NAV1: variants seen among roughly 807,000 people sequenced by gnomAD.
The protein encoded by NAV1 is pore membrane and/or filament interacting like protein 3.
Under a neutral mutation model 175.2 loss-of-function variants are expected in NAV1, and 18 were observed. That is an observed-to-expected ratio of 0.10 (90% CI 0.07 to 0.15). The LOEUF (loss-of-function observed/expected upper bound fraction) is 0.15. Ranked by LOEUF, NAV1 falls within the 10% of genes least tolerant of loss-of-function variation. The probability of loss-of-function intolerance (pLI) is 1.00; values close to 1 mark genes in which losing one functional copy is unlikely to be tolerated. For missense variants in NAV1, 1,731 were observed against 2,436.6 expected (o/e 0.71, Z 6.10); for synonymous variants, 897 against 978.7 (o/e 0.92, Z 1.56).
rs1676858721 is a variant in NAV1, at chr1:201,787,777, T to C, written c.2996-691T>C. 6.6e-6 allele frequency: 3 copies of C among 452,922 alleles called. No individual in the cohort carries two copies. Among genetic ancestry groups the C allele is most frequent in the African/African-American group, 4.0e-5 (2 of 49,982 alleles). The allele number at this position is 452,922 out of a possible 1,614,324, so 28.1% of individuals were successfully genotyped here. On this transcript the variant is annotated intron_variant, in intron 9 of 29. Coordinates refer to ENST00000367296, the Ensembl canonical transcript of NAV1. This position sits in a 1 kb window ranked among gnomAD's most constrained non-coding sequence, Gnocchi z 4.3. ...CAGCAATGGGCAAAGGGGTAAGGCA[T>C]CTGCAGGTTAACGGGATTCAGCTGA...
intron 2 of NAV1, among the ~76,000 whole-genome samples, chr1:201,597,282 C>T (rs1667373309): frequency 6.6e-6 from 1 of 152,208 alleles, no homozygotes; most frequent in Non-Finnish European, 1.5e-5. Flanking sequence ...CATTCTAGGT[C>T]TTCTGCAGTC....
At chr1:201,649,172 G>A (rs910532826) in exon 1 of NAV1, 1 of 1,612,134 alleles carries the variant, frequency 6.2e-7, no homozygotes, top group African/African-American at 1.3e-5. Flanking sequence ...CGCCCAACCT[G>A]GGAAAGCCGA....
intron 1 of NAV1, among the ~76,000 whole-genome samples, chr1:201,692,453 A>G (rs1214554444): frequency 6.6e-6 from 1 of 152,206 alleles, no homozygotes; most frequent in East Asian, 1.9e-4. Flanking sequence ...TAAAATATAT[A>G]TGTCTGCCTT....
intron 1 of NAV1, among the ~76,000 whole-genome samples, chr1:201,711,777 G>C (rs1165701270): frequency 6.6e-6 from 1 of 152,230 alleles, no homozygotes; most frequent in Non-Finnish European, 1.5e-5. Flanking sequence ...GGCAGGGCCA[G>C]CTTCTCTTCA....
intron 3 of NAV1, among the ~76,000 whole-genome samples, chr1:201,726,298 G>T (rs84214): frequency 3.3e-5 from 5 of 152,108 alleles, no homozygotes; most frequent in East Asian, 1.9e-4. Flanking sequence ...AGGATCAAAT[G>T]GAAAAGAATA....
rs537349912 is a variant in NAV1 at position 201,587,755 on chromosome 1, A to C, written c.-143-784A>C. ...TAAACTCAAATTAAAAGTAGGCAAA[A>C]TATTTGAATAGATATTTATCCAAAG... On this transcript the variant is annotated intron_variant, in intron 1 of 33. Transcript: ENST00000685211. Among the ~76,000 whole-genome samples, 4 of 152,350 alleles carry C rather than the reference A, an allele frequency of 2.6e-5. No individual in the cohort carries two copies. In the East Asian group the frequency reaches 7.7e-4, roughly 29 times the overall value.
intron 1 of NAV1, among the ~76,000 whole-genome samples, chr1:201,556,288 G>T (rs1666008149): frequency 6.6e-6 from 1 of 152,056 alleles, no homozygotes. Context: ...CATGGTGGTG[G>T]GTGTCTGTAG....
chr1:201,627,681 A>G (rs1298241538), intron 1 of NAV1, among the ~76,000 whole-genome samples: 1 of 152,056 alleles, frequency 6.6e-6, no homozygotes, highest in African/African-American at 2.4e-5. Flanking sequence ...CAGTTGACAC[A>G]TTATATAGAA....
intron 1 of NAV1, among the ~76,000 whole-genome samples, chr1:201,567,476 G>A (rs966299972): frequency 2.0e-5 from 3 of 152,210 alleles, no homozygotes; most frequent in African/African-American, 4.8e-5. Context: ...GGACTGAGGC[G>A]AAGCGAGCCA....
At chr1:201,727,556 A>G (rs1672659939) in intron 3 of NAV1, among the ~76,000 whole-genome samples, 1 of 152,194 alleles carries the variant, frequency 6.6e-6, no homozygotes, top group South Asian at 2.1e-4. Context: ...CCTTCACTCA[A>G]ACATGTTTCT....
chr1:201,591,396 G>C (rs753544182), intron 2 of NAV1, among the ~76,000 whole-genome samples: 8 of 152,130 alleles, frequency 5.3e-5, no homozygotes, highest in Non-Finnish European at 1.2e-4. Flanking sequence ...AGGAGAGGAA[G>C]GGCTGTTCAC....
intron 7 of NAV1, among the ~76,000 whole-genome samples, chr1:201,784,789 C>T (rs571054309): frequency 4.0e-5 from 6 of 151,626 alleles, no homozygotes; most frequent in South Asian, 4.2e-4. Flanking sequence ...TGTTTTGAGA[C>T]GGAGTCTTGC....
intron 16 of NAV1, chr1:201,803,953 C>T: frequency 3.6e-6 from 2 of 558,136 alleles, no homozygotes; most frequent in Non-Finnish European, 6.7e-6. Context: ...TTGGGCTCTC[C>T]ATACTGGTTA....
chr1:201,668,892 C>T (rs938509626), intron 1 of NAV1, among the ~76,000 whole-genome samples: 3 of 152,154 alleles, frequency 2.0e-5, no homozygotes, highest in African/African-American at 7.2e-5. Context: ...CTTTTCCTAA[C>T]TCCTCTGTTG....
chr1:201,721,087 A>C lies in NAV1; in HGVS notation c.1226+2332A>C, dbSNP rs187831898. Among the ~76,000 whole-genome samples, 146 of 152,192 alleles carry C rather than the reference A, an allele frequency of 9.6e-4. 1 individual carries two copies. Among genetic ancestry groups the C allele is most frequent in the Admixed American group, 4.8e-3 (73 of 15,294 alleles). On this transcript the variant is annotated intron_variant, in intron 3 of 29. Coordinates refer to ENST00000367296, the Ensembl canonical transcript of NAV1. ...ATCCATTTTTTAAAAATTAGAGTTC[A>C]CCGAGACTAGCATGAATAAGAACTT...
At chr1:201,550,803 C>T (rs934548683) in intron 1 of NAV1, among the ~76,000 whole-genome samples, 2 of 152,214 alleles carry the variant, frequency 1.3e-5, no homozygotes, top group African/African-American at 4.8e-5. Flanking sequence ...GGTGGGTGGT[C>T]TATGTATGGC....
At position 201,810,799 on chromosome 1, in the gene NAV1, C is replaced by G. The variant is rs764646760; in HGVS notation, c.4797+41C>G. On this transcript the variant is annotated intron_variant, in intron 24 of 29. Coordinates refer to ENST00000367296, the Ensembl canonical transcript of NAV1. This position sits in a 1 kb window ranked among gnomAD's most constrained non-coding sequence, Gnocchi z 6.0. ...CACCCCTGCCAGCCTTTGTTCATGC[C>G]TCAGCCTTCCCTAAGACCCTTCCTC... The G allele has an allele frequency of 4.6e-6, 7 of 1,517,806 alleles. No individual in the cohort carries two copies. Among genetic ancestry groups the G allele is most frequent in the Non-Finnish European group, 6.4e-6 (7 of 1,098,768 alleles). 94.0% of individuals were successfully genotyped at this position (1,517,806 alleles called of 1,614,324 possible). A position where few individuals can be genotyped will look rare whatever the true frequency, so the allele number is the denominator to read the frequency against.
intron 2 of NAV1, among the ~76,000 whole-genome samples, chr1:201,611,584 G>T (rs553556911): frequency 2.0e-5 from 3 of 152,290 alleles, no homozygotes; most frequent in African/African-American, 7.2e-5. Flanking sequence ...GGTGTGACTT[G>T]GGACAAGTTA....
chr1:201,734,499 G>GAGGAGAAGA (rs1184118304), intron 3 of NAV1, among the ~76,000 whole-genome samples: 3 of 121,060 alleles, frequency 2.5e-5, no homozygotes, highest in African/African-American at 5.8e-5. Flanking sequence ...GAAGGAGAAG[G>GAGGAGAAGA]AGAAGAAGAA....
Sources: allele counts gnomAD v4.1 joint callset (sites outside exome capture counted in the v4.1 genomes callset), GRCh38; gene constraint gnomAD v4.1.1; non-coding constraint Gnocchi (gnomAD v3.1); transcripts MANE v1.5; gene names NCBI Gene and HGNC (gene_info 2026-07-23, HGNC 2026-07-21).